The following ACSF3 variants were observed in gnomAD, a reference collection of about 807,000 sequenced individuals.
ACSF3 encodes acyl-CoA synthetase family member 3.
A neutral mutation model predicts 53.2 loss-of-function variants in ACSF3; 78 were observed. The ratio of observed to expected loss-of-function variants is 1.47; its 90% CI spans 1.22 to 1.77. The LOEUF is 1.77. Ranked by LOEUF, ACSF3 falls within the 40% of genes most tolerant of loss-of-function variation. The pLI is 0.00. For missense variants in ACSF3, 937 were observed against 771.1 expected (o/e 1.22, Z -2.55); for synonymous variants, 414 against 333.1 (o/e 1.24, Z -2.65).
chr16:89,129,821 T>G (rs1161817035), intron 7 of ACSF3, among the ~76,000 whole-genome samples: 1 of 152,218 alleles, frequency 6.6e-6, no homozygotes, highest in Non-Finnish European at 1.5e-5. Flanking sequence ...ACATACTTCC[T>G]TTTTTACAGT....
chr16:89,101,257 G>T lies in ACSF3; in HGVS notation c.576G>T (p.Trp192Cys). 6.2e-7 allele frequency: 1 copy of T among 1,601,564 alleles called. No homozygotes were observed. The change falls in exon 3 of 11, where the codon TGG (tryptophan) becomes TGT (cysteine). Residue 192 changes from tryptophan (W) to cysteine (C), a missense_variant. By Grantham distance (215) the Trp-to-Cys change is radical. Coordinates refer to ENST00000614302, the MANE Select transcript of ACSF3 (RefSeq NM_001243279.3). ...AGGTCCCGGTCCCAGAGCAGGGATGGAGGAACAAGGGCGCCATGATCATCT... is the reference window on the plus strand; with the variant it reads ...AGGTCCCGGTCCCAGAGCAGGGATGTAGGAACAAGGGCGCCATGATCATCT... Reference protein sequence around the residue: ...PAEVPVPEQGWRNKGAMIIYT... With the variant: ...PAEVPVPEQGCRNKGAMIIYT...
Position 89,120,876 on chromosome 16 carries a change from A to C in ACSF3, c.1202A>C (p.Tyr401Ser). Residue 401 changes from tyrosine to serine, a missense_variant, in exon 7 of 11, where the codon TAC (tyrosine) becomes TCC (serine). Coordinates refer to ENST00000614302, the MANE Select transcript of ACSF3 (RefSeq NM_001243279.3). ...AACCCACAGAGGGAAGCCTGCTCCT[A>C]CACCATCCACGCAGAGGGAGACGAG... ...SENPQREACS[Y>S]TIHAEGDERG... 6.2e-7 allele frequency: 1 copy of C among 1,614,040 alleles called. No homozygotes were observed. Among genetic ancestry groups the C allele is most frequent in the South Asian group, 1.1e-5 (1 of 91,084 alleles).
Position 89,102,662 on chromosome 16 carries a change from T to A in ACSF3, c.725T>A (p.Leu242His). Residue 242 changes from leucine (L) to histidine (H), a missense_variant, in exon 4 of 11, where the codon CTC becomes CAC. By Grantham distance (99) the Leu-to-His change is moderately conservative (BLOSUM62 -3). Transcript: ENST00000614302. ...AAAGACGACGTGATCCTCCACGTGC[T>A]CCCGCTGCACCACGTCCATGGTGTG... ...WTKDDVILHV[L>H]PLHHVHGVVN... 6.2e-7 allele frequency: 1 copy of A among 1,613,804 alleles called. No homozygotes were observed. The highest frequency in any genetic ancestry group is 8.5e-7 in the Non-Finnish European group (1 of 1,180,022).
At chr16:89,119,801 A>G (rs1177847258) in intron 6 of ACSF3, among the ~76,000 whole-genome samples, 1 of 152,198 alleles carries the variant, frequency 6.6e-6, no homozygotes, top group Non-Finnish European at 1.5e-5. Flanking sequence ...CGAGCCGGGC[A>G]CCGACAGCCC....
chr16:89,136,761 T>A, intron 8 of ACSF3: 1 of 1,287,260 alleles, frequency 7.8e-7, no homozygotes. Flanking sequence ...TGCCTCAAGA[T>A]CACACAGCGG....
rs1246673779 is a variant in ACSF3 at position 89,101,055 on chromosome 16, T to C, written c.374T>C (p.Leu125Pro). The change falls in exon 3 of 11, where the codon CTC becomes CCC. Residue 125 changes from leucine to proline, a missense_variant. By Grantham distance (98) the Leu-to-Pro change is moderately conservative. Transcript: ENST00000614302. ...ATGAGTGGCGGTGTGGCAGTCCCCC[T>C]CTACAGGAAGCATCCCGCGGCCCAG... is the stretch of plus-strand genomic sequence containing the variant. Reference protein sequence around the residue: ...SWMSGGVAVPLYRKHPAAQLE... With the variant: ...SWMSGGVAVPPYRKHPAAQLE... The C allele has an allele frequency of 6.2e-7, 1 of 1,613,958 alleles. No individual in the cohort carries two copies. The highest frequency in any genetic ancestry group is 1.6e-4 in the Middle Eastern group (1 of 6,062).
chr16:89,137,567 G>A, intron 8 of ACSF3, among the ~76,000 whole-genome samples: 1 of 143,640 alleles, frequency 7.0e-6, no homozygotes, highest in Non-Finnish European at 1.5e-5. Flanking sequence ...CAGGTCTCGG[G>A]AGGACCACCA....
intron 1 of ACSF3, among the ~76,000 whole-genome samples, chr16:89,097,787 C>T (rs1325746018): frequency 7.2e-5 from 11 of 152,108 alleles, no homozygotes; most frequent in Admixed American, 7.2e-4. Context: ...GCTTCTAGAA[C>T]ATGGGTGCCT....
intron 10 of ACSF3, among the ~76,000 whole-genome samples, chr16:89,146,271 G>T (rs995030823): frequency 6.6e-6 from 1 of 152,158 alleles, no homozygotes; most frequent in Admixed American, 6.5e-5. Context: ...GCAATATTCC[G>T]AGGGGGCAGA....
At chr16:89,152,046 G>A (rs1835619355) in intron 10 of ACSF3, 1 of 152,276 alleles carries the variant, frequency 6.6e-6, no homozygotes, top group African/African-American at 2.4e-5. Context: ...TGATGAGGGA[G>A]TCTCTCAAAA....
At chr16:89,124,315 G>A (rs12926988) in intron 7 of ACSF3, among the ~76,000 whole-genome samples, 1 of 152,214 alleles carries the variant, frequency 6.6e-6, no homozygotes, top group Non-Finnish European at 1.5e-5. Flanking sequence ...GCATATATGT[G>A]TGTGTGAGAC....
chr16:89,155,688 C>T lies in ACSF3; in HGVS notation c.*1481C>T, dbSNP rs1597286917. On this transcript the variant is annotated 3_prime_UTR_variant, in exon 11 of 11. Transcript: ENST00000614302. The stretch of plus-strand genomic sequence containing the variant: ...TCCAGACGTTTGTGTCTAGGCCTTG[C>T]TGGTAGCTAAGGAAATGCCTTCTGT... 2.2e-6 allele frequency: 1 copy of T among 454,024 alleles called. No homozygotes were observed. Among genetic ancestry groups the T allele is most frequent in the East Asian group, 6.9e-5 (1 of 14,414 alleles). The allele number at this position is 454,024 out of a possible 1,614,324, so 28.1% of individuals were successfully genotyped here.
In ACSF3 at chr16:89,120,889, A is replaced by G. The variant is rs766100388; in HGVS notation, c.1215A>G (p.Ala405=). ...QREACSYTIH[A]EGDERGTKVT... ...AAGCCTGCTCCTACACCATCCACGC[A>G]GAGGGAGACGAGAGGGGGACCAAGG... is the stretch of plus-strand genomic sequence containing the variant. The change falls in exon 7 of 11, where the codon GCA becomes GCG. Residue 405 remains alanine, a synonymous_variant. Transcript: ENST00000614302. 13 of 1,614,018 alleles carry G rather than the reference A, an allele frequency of 8.1e-6. No individual in the cohort carries two copies. In the Middle Eastern group the frequency reaches 6.6e-4, roughly 82 times the overall value.
At chr16:89,130,952 C>G (rs982527054) in intron 7 of ACSF3, among the ~76,000 whole-genome samples, 1 of 151,952 alleles carries the variant, frequency 6.6e-6, no homozygotes, top group Admixed American at 6.6e-5. Flanking sequence ...TTGTCACGTT[C>G]GTTTCTTCAT....
chr16:89,106,337 G>T (rs1008715939), intron 4 of ACSF3, among the ~76,000 whole-genome samples: 1 of 151,986 alleles, frequency 6.6e-6, no homozygotes, highest in East Asian at 1.9e-4. Flanking sequence ...CTGTTAGCCG[G>T]GCTGGAGTGC....
At chr16:89,107,227 C>T (rs990081164) in intron 4 of ACSF3, among the ~76,000 whole-genome samples, 3 of 152,222 alleles carry the variant, frequency 2.0e-5, no homozygotes, top group African/African-American at 7.2e-5. Flanking sequence ...GAAGGTCACC[C>T]TCGGCTCTCA....
chr16:89,135,941 AT>A (rs1910365603), intron 8 of ACSF3, among the ~76,000 whole-genome samples: 1 of 152,116 alleles, frequency 6.6e-6, no homozygotes, highest in African/African-American at 2.4e-5. Flanking sequence ...CGCCCGGCTA[AT>A]TTTTGTATTT....
chr16:89,114,308 G>A, intron 5 of ACSF3, 31 bp from the exon 6 acceptor site: 2 of 1,613,422 alleles, frequency 1.2e-6, no homozygotes, highest in Non-Finnish European at 1.7e-6. Context: ...CGTCCCAAGG[G>A]GCTAAACCTG....
rs143429026 is a variant in ACSF3 at position 89,135,406 on chromosome 16, C to T, written c.1366+2144C>T. ...GTGCTAGGTGTGTGGCAGTTCCGCA[C>T]GTTTGCAAAGTGAAGGCTCCGTGAG... is the stretch of plus-strand genomic sequence containing the variant. On this transcript the variant is annotated intron_variant, in intron 8 of 10. Coordinates refer to ENST00000614302, the MANE Select transcript of ACSF3 (RefSeq NM_001243279.3). 8.1e-3 allele frequency among the ~76,000 whole-genome samples: 1,227 copies of T among 152,324 alleles called. 20 individuals are homozygous for T. Among genetic ancestry groups the T allele is most frequent in the African/African-American group, 0.029 (1,192 of 41,568 alleles).
Sources: allele counts gnomAD v4.1 joint callset (sites outside exome capture counted in the v4.1 genomes callset), GRCh38; gene constraint gnomAD v4.1.1; transcripts MANE v1.5; gene names NCBI Gene and HGNC (gene_info 2026-07-23, HGNC 2026-07-21).